UBR3: variants seen among roughly 807,000 people sequenced by gnomAD.
UBR3 encodes the protein ubiquitin protein ligase E3 component n-recognin 3.
A neutral mutation model predicts 243.2 loss-of-function variants in UBR3; 85 were observed. The observed-to-expected ratio is 0.35, with a 90% CI of 0.29 to 0.42. The LOEUF (loss-of-function observed/expected upper bound fraction) is 0.42, where lower values mean the gene tolerates loss of function less well. Among genes scored for constraint, UBR3 ranks in the 10% least tolerant of loss-of-function variants. The pLI, the probability that UBR3 is intolerant of heterozygous loss-of-function variation, is 1.00. For missense variants in UBR3, 1,686 were observed against 2,300.8 expected, an observed-to-expected ratio of 0.73 and a Z score of 5.47; for synonymous variants, 748 against 799.8, an observed-to-expected ratio of 0.94 and a Z score of 1.09.
At chr2:169,877,177 T>C (rs1261673789) in intron 3 of UBR3, among the ~76,000 whole-genome samples, 1 of 152,224 alleles carries the variant, frequency 6.6e-6, no homozygotes, top group Non-Finnish European at 1.5e-5. Context: ...TCTCTGACTT[T>C]CTTTACTGTA....
Position 170,081,713 on chromosome 2 carries a change from C to A in UBR3, c.5550-13C>A. The A allele has an allele frequency of 1.3e-6, 2 of 1,543,354 alleles. No homozygotes were observed. Among genetic ancestry groups the A allele is most frequent in the Non-Finnish European group, 1.7e-6 (2 of 1,143,694 alleles). On this transcript the variant is annotated splice_polypyrimidine_tract_variant and intron_variant, in intron 38 of 38. Coordinates refer to ENST00000272793, the MANE Select transcript of UBR3 (RefSeq NM_172070.4). ...TGTATGATATTAATACTTTTTTTTT[C>A]TTTTTGTTCTAGGCGAGGCAAACCT...
intron 1 of UBR3, among the ~76,000 whole-genome samples, chr2:169,842,964 A>G (rs1405245826): frequency 6.6e-6 from 1 of 152,222 alleles, no homozygotes; most frequent in Non-Finnish European, 1.5e-5. Flanking sequence ...AGATCATCAG[A>G]ATGGCTTTTG....
intron 24 of UBR3, chr2:169,964,919 G>A (rs1016150606): frequency 2.2e-6 from 1 of 457,010 alleles, no homozygotes; most frequent in African/African-American, 2.0e-5. Context: ...AGGATAATGA[G>A]CTCTACTTTC....
intron 1 of UBR3, among the ~76,000 whole-genome samples, chr2:169,828,573 G>A (rs2081824492): frequency 6.6e-6 from 1 of 152,040 alleles, no homozygotes; most frequent in Non-Finnish European, 1.5e-5. Flanking sequence ...TGAACTGCCA[G>A]TGTGTCTGTC....
intron 25 of UBR3, 126 bp from the exon 26 acceptor site, chr2:169,994,197 T>G: frequency 9.2e-7 from 1 of 1,084,642 alleles, no homozygotes; most frequent in South Asian, 1.9e-5. Context: ...TTTTGAGGGG[T>G]CTTTAAAAAT....
rs1003497246 is a variant in UBR3, at chr2:169,877,655, A to G, written c.988+18A>G. 11 of 1,530,870 alleles carry G rather than the reference A, an allele frequency of 7.2e-6. No homozygotes were observed. The highest frequency in any genetic ancestry group is 7.9e-6 in the Non-Finnish European group (9 of 1,142,380). 94.8% of individuals were successfully genotyped at this position (1,530,870 alleles called of 1,614,324 possible). A position where few individuals can be genotyped will look rare whatever the true frequency, so the allele number is the denominator to read the frequency against. On this transcript the variant is annotated intron_variant, in intron 4 of 38. Coordinates refer to ENST00000272793, the MANE Select transcript of UBR3 (RefSeq NM_172070.4). ...TGTTCAAGGTTTGTCTAAATATTTA[A>G]TTTGAACAGTTGTAACTTTTCTGTA...
chr2:169,835,572 C>T (rs548656315), intron 1 of UBR3, among the ~76,000 whole-genome samples: 1 of 152,208 alleles, frequency 6.6e-6, no homozygotes, highest in East Asian at 1.9e-4. Flanking sequence ...TCCCTAGTAG[C>T]AGGGACTACA....
chr2:169,832,553 C>T (rs1156252602), intron 1 of UBR3, among the ~76,000 whole-genome samples: 13 of 147,470 alleles, frequency 8.8e-5, no homozygotes, highest in South Asian at 2.2e-4. Flanking sequence ...GGCGACAGAG[C>T]GTGACTCTGT....
At chr2:169,908,731 C>T (rs73011800) in intron 10 of UBR3, among the ~76,000 whole-genome samples, 6,617 of 151,812 alleles carry the variant, frequency 0.044, 164 homozygotes, top group Middle Eastern at 0.068. Flanking sequence ...ATATGAAGGA[C>T]CCAGCTCTGT....
intron 30 of UBR3, among the ~76,000 whole-genome samples, chr2:170,024,572 T>C (rs1033322692): frequency 6.6e-6 from 1 of 151,930 alleles, no homozygotes; most frequent in Non-Finnish European, 1.5e-5. Flanking sequence ...TACACATACA[T>C]GTGAAACTCA....
In UBR3 at chr2:169,994,251, C is replaced by T. The variant is rs551102024; in HGVS notation, c.3785-72C>T. 8.6e-6 allele frequency: 13 copies of T among 1,509,542 alleles called. No individual in the cohort carries two copies. In the South Asian group the frequency reaches 1.7e-4, roughly 20 times the overall value. 93.5% of individuals were successfully genotyped at this position (1,509,542 alleles called of 1,614,324 possible). A position where few individuals can be genotyped will look rare whatever the true frequency, so the allele number is the denominator to read the frequency against. On this transcript the variant is annotated intron_variant, in intron 25 of 38. Transcript: ENST00000272793. ...TTTGAGTTGCTTGTGGTAAATAACT[C>T]AGCTTTTCTTGGAGTTACAGGTCTA... is the stretch of plus-strand genomic sequence containing the variant.
intron 2 of UBR3, among the ~76,000 whole-genome samples, chr2:169,875,104 T>TAAC (rs2083559265): frequency 6.6e-6 from 1 of 152,162 alleles, no homozygotes; most frequent in Admixed American, 6.5e-5. Flanking sequence ...GACCTTCAGC[T>TAAC]AACATGTATC....
chr2:170,041,124 C>A, intron 32 of UBR3, 139 bp downstream of exon 32: 1 of 727,376 alleles, frequency 1.4e-6, no homozygotes, highest in Non-Finnish European at 2.2e-6. Flanking sequence ...GGGTGGATTG[C>A]TTGAGCACAG....
intron 24 of UBR3, among the ~76,000 whole-genome samples, chr2:169,967,737 GTTTTA>G (rs944082401): frequency 2.6e-5 from 4 of 152,132 alleles, no homozygotes; most frequent in African/African-American, 9.6e-5. Context: ...GGAAGGAGTT[GTTTTA>G]TTTAATAATA....
intron 5 of UBR3, among the ~76,000 whole-genome samples, chr2:169,885,003 T>C (rs2105319884): frequency 6.6e-6 from 1 of 152,314 alleles, no homozygotes; most frequent in Non-Finnish European, 1.5e-5. Flanking sequence ...TTTATGCCAT[T>C]TAAATATTCA....
At chr2:169,959,686 A>G (rs1449865701) in intron 24 of UBR3, among the ~76,000 whole-genome samples, 1 of 152,148 alleles carries the variant, frequency 6.6e-6, no homozygotes, top group East Asian at 1.9e-4. Flanking sequence ...GGGGGATGAG[A>G]AAAGCTAGTA....
intron 2 of UBR3, among the ~76,000 whole-genome samples, chr2:169,875,483 C>T (rs961637491): frequency 9.9e-5 from 15 of 152,070 alleles, no homozygotes; most frequent in African/African-American, 3.4e-4. Context: ...CGCGCACCAC[C>T]ACACTTGGTT....
intron 1 of UBR3, among the ~76,000 whole-genome samples, chr2:169,836,051 A>ATG (rs2082091559): frequency 1.8e-4 from 5 of 28,362 alleles, no homozygotes; most frequent in African/African-American, 4.6e-4. Context: ...CTCTATATAT[A>ATG]TATATATATA....
chr2:169,928,632 T>G, intron 17 of UBR3, 95 bp from the exon 18 acceptor site: 1 of 1,005,472 alleles, frequency 9.9e-7, no homozygotes, highest in East Asian at 2.7e-5. Context: ...AATTACTATT[T>G]GTCTACTTCA....
Sources: allele counts gnomAD v4.1 joint callset (sites outside exome capture counted in the v4.1 genomes callset), GRCh38; gene constraint gnomAD v4.1.1; transcripts MANE v1.5; gene names NCBI Gene and HGNC (gene_info 2026-07-23, HGNC 2026-07-21).